FOXN2: variants seen among roughly 807,000 people sequenced by gnomAD.
The protein encoded by FOXN2 is forkhead box N2.
Under a neutral mutation model 41.2 loss-of-function variants are expected in FOXN2, and 19 were observed. That is an observed-to-expected ratio of 0.46 (90% CI 0.32 to 0.68). FOXN2 has a LOEUF of 0.68. FOXN2 is among the 30% of genes least tolerant of loss of function. FOXN2 has a pLI of 0.03. For synonymous variants in FOXN2, 195 were observed against 176.8 expected, an observed-to-expected ratio of 1.10 and a Z score of -0.82; for missense variants, 587 against 509.4, an observed-to-expected ratio of 1.15 and a Z score of -1.47.
chr2:48,316,031 C>T (rs1474523767), intron 1 of FOXN2, among the ~76,000 whole-genome samples: 1 of 152,050 alleles, frequency 6.6e-6, no homozygotes, highest in Non-Finnish European at 1.5e-5. Context: ...AGCCACGTGG[C>T]CGGCTGAGTG....
chr2:48,358,999 C>G, intron 3 of FOXN2, 48 bp from the exon 4 acceptor site: 1 of 1,366,522 alleles, frequency 7.3e-7, no homozygotes, highest in Non-Finnish European at 1.0e-6. Flanking sequence ...TAGACGCTGA[C>G]TGTTTATGTA....
chr2:48,358,959 AT>A, intron 3 of FOXN2, 87 bp from the exon 4 acceptor site: 1 of 973,686 alleles, frequency 1.0e-6, no homozygotes, highest in Non-Finnish European at 1.6e-6. Flanking sequence ...GCTAGAGATT[AT>A]TTACCCCTGC....
At chr2:48,317,594 G>GTTTTTT (rs1669005674) in intron 1 of FOXN2, among the ~76,000 whole-genome samples, 3 of 49,546 alleles carry the variant, frequency 6.1e-5, no homozygotes, top group Non-Finnish European at 8.7e-5. Context: ...CTATAGTATT[G>GTTTTTT]CTTTTTTTTT....
intron 2 of FOXN2, among the ~76,000 whole-genome samples, chr2:48,342,784 T>C (rs1274225638): frequency 6.6e-6 from 1 of 152,184 alleles, no homozygotes; most frequent in Non-Finnish European, 1.5e-5. Context: ...CTTTTTTTCC[T>C]TCTTGAAAAC....
At chr2:48,367,576 A>T (rs1157938793) in intron 5 of FOXN2, among the ~76,000 whole-genome samples, 1 of 152,244 alleles carries the variant, frequency 6.6e-6, no homozygotes, top group South Asian at 2.1e-4. Flanking sequence ...CTGCAAATGT[A>T]TATATTAGTT....
intron 2 of FOXN2, among the ~76,000 whole-genome samples, chr2:48,341,601 T>A (rs1046627247): frequency 6.6e-6 from 1 of 152,202 alleles, no homozygotes; most frequent in African/African-American, 2.4e-5. Flanking sequence ...AGCTACAGGA[T>A]GATGGATGCC....
intron 1 of FOXN2, among the ~76,000 whole-genome samples, chr2:48,322,769 A>G (rs1461259817): frequency 6.7e-6 from 1 of 148,588 alleles, no homozygotes; most frequent in Admixed American, 6.7e-5. Context: ...GATATATATA[A>G]TACAATATAT....
At chr2:48,338,554 A>C (rs1670523697) in intron 2 of FOXN2, among the ~76,000 whole-genome samples, 2 of 152,062 alleles carry the variant, frequency 1.3e-5, no homozygotes, top group African/African-American at 4.8e-5. Context: ...GCCGCTCGCC[A>C]CCAGGCCCAG....
At chr2:48,322,024 T>C (rs1669359565) in intron 1 of FOXN2, among the ~76,000 whole-genome samples, 1 of 152,170 alleles carries the variant, frequency 6.6e-6, no homozygotes, top group African/African-American at 2.4e-5. Flanking sequence ...TCTCGGCTTA[T>C]TGCAATCTCC....
chr2:48,368,498 C>T (rs1009243393), intron 5 of FOXN2, among the ~76,000 whole-genome samples: 1 of 152,024 alleles, frequency 6.6e-6, no homozygotes, highest in African/African-American at 2.4e-5. Flanking sequence ...AACCCCATCT[C>T]TAGGGCAACA....
intron 3 of FOXN2, among the ~76,000 whole-genome samples, chr2:48,347,778 C>T (rs1038776790): frequency 2.6e-5 from 4 of 152,048 alleles, no homozygotes; most frequent in Non-Finnish European, 2.9e-5. Flanking sequence ...TAAAATTTCT[C>T]ATTATTCAGT....
At chr2:48,371,066 C>T (rs376462574) in intron 5 of FOXN2, among the ~76,000 whole-genome samples, 4 of 152,074 alleles carry the variant, frequency 2.6e-5, no homozygotes, top group African/African-American at 7.2e-5. Flanking sequence ...GTCTTTCCCC[C>T]AGTTAGTATT....
rs1671098460 is a variant in FOXN2 at position 48,346,338 on chromosome 2, C to T, written c.124C>T (p.Pro42Ser). The T allele has an allele frequency of 6.2e-7, 1 of 1,614,060 alleles. No homozygotes were observed. The highest frequency in any genetic ancestry group is 8.5e-7 in the Non-Finnish European group (1 of 1,180,040). ...GCCTGAAGCTGTTGATGCTGCCAGG[C>T]CGAAGGCCACTCTAGTGGACAGTGA... ...SLPEAVDAAR[P>S]KATLVDSESA... Residue 42 changes from proline (P) to serine (S), a missense_variant, in exon 3 of 7, where the codon CCG becomes TCG. Physicochemically the swap from Pro to Ser is moderately conservative, Grantham distance 74. Coordinates refer to ENST00000340553, the MANE Select transcript of FOXN2 (RefSeq NM_002158.4).
At chr2:48,329,902 A>C (rs1669924779) in intron 2 of FOXN2, among the ~76,000 whole-genome samples, 1 of 152,016 alleles carries the variant, frequency 6.6e-6, no homozygotes, top group Non-Finnish European at 1.5e-5. Context: ...AATATCTTTA[A>C]AGCTGTAGTG....
At chr2:48,338,385 C>A (rs61405465) in intron 2 of FOXN2, among the ~76,000 whole-genome samples, 4,740 of 145,044 alleles carry the variant, frequency 0.033, 235 homozygotes, top group African/African-American at 0.11. Context: ...GTTCTCCTAA[C>A]AGGAAGGATG....
At position 48,378,912 on chromosome 2, in the gene FOXN2, C is replaced by T. The variant is rs1379060730; in HGVS notation, c.*3469C>T. Reference sequence around the variant, plus strand: ...TGTACATTTCTTATTAAACTAAGTGCTTAATTTTAAAGTATTATGTTGCCA... The same window carrying T: ...TGTACATTTCTTATTAAACTAAGTGTTTAATTTTAAAGTATTATGTTGCCA... On this transcript the variant is annotated 3_prime_UTR_variant, in exon 7 of 7. Coordinates refer to ENST00000340553, the MANE Select transcript of FOXN2 (RefSeq NM_002158.4). 1.3e-5 allele frequency: 2 copies of T among 152,350 alleles called. No homozygotes were observed. Among genetic ancestry groups the T allele is most frequent in the African/African-American group, 2.4e-5 (1 of 41,358 alleles). The allele number at this position is 152,350 out of a possible 1,614,324, so 9.4% of individuals were successfully genotyped here.
At chr2:48,361,294 C>T (rs1035345169) in intron 4 of FOXN2, among the ~76,000 whole-genome samples, 3 of 151,706 alleles carry the variant, frequency 2.0e-5, no homozygotes, top group African/African-American at 4.8e-5. Flanking sequence ...TGTTGAAACC[C>T]GTCTCTACCA....
At chr2:48,329,135 T>C (rs1437427093) in intron 2 of FOXN2, among the ~76,000 whole-genome samples, 3 of 152,218 alleles carry the variant, frequency 2.0e-5, no homozygotes, top group African/African-American at 7.2e-5. Context: ...TTGTAAGTTA[T>C]TGCTTCATTT....
intron 3 of FOXN2, among the ~76,000 whole-genome samples, chr2:48,358,151 G>C (rs1321551422): frequency 6.6e-6 from 1 of 150,742 alleles, no homozygotes; most frequent in Non-Finnish European, 1.5e-5. Flanking sequence ...CTTTTATTCA[G>C]AACTAATGTA....
Sources: gnomAD v4.1 joint callset for allele counts (sites outside exome capture counted in the v4.1 genomes callset) on GRCh38, gnomAD v4.1.1 for gene constraint, MANE v1.5 for transcripts, NCBI Gene and HGNC (gene_info 2026-07-23, HGNC 2026-07-21) for gene names.